The following RIN2 variants were observed in gnomAD, a reference collection of about 807,000 sequenced individuals.
RIN2 encodes RAB5 interacting protein 2.
A neutral mutation model predicts 78.0 loss-of-function variants in RIN2; 36 were observed. The ratio of observed to expected loss-of-function variants is 0.46; its 90% confidence interval spans 0.35 to 0.61. The LOEUF is 0.61. RIN2 is among the 20% of genes least tolerant of loss of function. The pLI, the probability that RIN2 is intolerant of heterozygous loss-of-function variation, is 0.00. For synonymous variants in RIN2, 466 were observed against 466.8 expected, an observed-to-expected ratio of 1.00 and a Z score of 0.02; for missense variants, 1,087 against 1,159.7, an observed-to-expected ratio of 0.94 and a Z score of 0.91.
intron 2 of RIN2, among the ~76,000 whole-genome samples, chr20:19,879,466 T>G (rs548115521): frequency 6.6e-6 from 1 of 152,300 alleles, no homozygotes; most frequent in South Asian, 2.1e-4. Flanking sequence ...ACACTGTGCT[T>G]CCGCTGACTG....
intron 7 of RIN2, among the ~76,000 whole-genome samples, chr20:19,970,005 G>T (rs1199454026): frequency 6.6e-6 from 1 of 152,202 alleles, no homozygotes; most frequent in Non-Finnish European, 1.5e-5. Flanking sequence ...GCTGTGGCAG[G>T]TCCCTGATGC....
chr20:19,891,542 G>A (rs773739905), intron 3 of RIN2, among the ~76,000 whole-genome samples: 13 of 152,204 alleles, frequency 8.5e-5, no homozygotes, highest in Non-Finnish European at 1.2e-4. Flanking sequence ...ATGGAGGCCA[G>A]CCATGGTGCT....
chr20:19,905,723 AC>A (rs1380771524), intron 3 of RIN2, among the ~76,000 whole-genome samples: 3 of 152,184 alleles, frequency 2.0e-5, no homozygotes, highest in Non-Finnish European at 4.4e-5. Context: ...ACAGAGCAAA[AC>A]TCCATCTCTA....
At chr20:19,876,751 A>G (rs558531959) in intron 2 of RIN2, among the ~76,000 whole-genome samples, 4 of 152,194 alleles carry the variant, frequency 2.6e-5, no homozygotes, top group Middle Eastern at 6.8e-3. Flanking sequence ...CTAAAAATAC[A>G]AAAATTATCT....
chr20:19,809,535 C>T (rs1015059307), intron 2 of RIN2: 1 of 152,292 alleles, frequency 6.6e-6, no homozygotes, highest in South Asian at 2.1e-4. Context: ...GTGCATCCTT[C>T]GAATGTCCTG....
chr20:19,929,274 G>T (rs1193169961), intron 3 of RIN2, among the ~76,000 whole-genome samples: 4 of 152,204 alleles, frequency 2.6e-5, no homozygotes, highest in African/African-American at 9.6e-5. Context: ...TAGAGGCTGG[G>T]ATTGTGTAAG....
intron 3 of RIN2, among the ~76,000 whole-genome samples, chr20:19,929,326 GT>G (rs2040351787): frequency 6.6e-6 from 1 of 151,768 alleles, no homozygotes; most frequent in South Asian, 2.1e-4. Context: ...AGTTTTTTGT[GT>G]TTTTGTTTTT....
At chr20:19,791,702 TTC>T (rs1434768076) in intron 1 of RIN2, among the ~76,000 whole-genome samples, 21 of 152,238 alleles carry the variant, frequency 1.4e-4, no homozygotes, top group Admixed American at 5.2e-4. Context: ...GAACTTTAAT[TTC>T]TTTTTCCAAA....
chr20:19,824,972 A>G (rs972149958), intron 2 of RIN2, among the ~76,000 whole-genome samples: 2 of 151,866 alleles, frequency 1.3e-5, no homozygotes, highest in Non-Finnish European at 2.9e-5. Flanking sequence ...GGCCACGAGA[A>G]CCTCTTCACC....
intron 1 of RIN2, among the ~76,000 whole-genome samples, chr20:19,769,339 A>G (rs978342683): frequency 1.3e-5 from 2 of 152,200 alleles, no homozygotes; most frequent in Non-Finnish European, 2.9e-5. Context: ...AGACCAGAGA[A>G]TATGAAGATC....
intron 2 of RIN2, among the ~76,000 whole-genome samples, chr20:19,850,226 G>A (rs923966464): frequency 9.9e-5 from 15 of 152,176 alleles, no homozygotes; most frequent in Admixed American, 5.9e-4. Flanking sequence ...CTGTCTTGCC[G>A]TTTTTAACCT....
rs1330277758 is a variant in RIN2 at position 19,990,268 on chromosome 20, G to A, written c.2025G>A (p.Leu675=). ...CGGAAAAGAAGGTCATGCTGCTGCT[G>A]CGGGTCTGCAAGCTCATTTACACGG... ...YSPEKKVMLL[L]RVCKLIYTVM... is the part of the protein sequence containing the mutation. The change falls in exon 10 of 13, where the codon CTG becomes CTA. Residue 675 remains leucine (L), a synonymous_variant. Transcript: ENST00000255006. 1.2e-6 allele frequency: 2 copies of A among 1,613,684 alleles called. No individual in the cohort carries two copies. Among genetic ancestry groups the A allele is most frequent in the Non-Finnish European group, 1.7e-6 (2 of 1,179,858 alleles).
chr20:19,822,158 G>T (rs552660915), intron 2 of RIN2, among the ~76,000 whole-genome samples: 67 of 152,290 alleles, frequency 4.4e-4, no homozygotes, highest in South Asian at 3.3e-3. Context: ...GTGGCTCACA[G>T]GTCTGAGCTT....
intron 2 of RIN2, among the ~76,000 whole-genome samples, chr20:19,856,813 T>C (rs1172019219): frequency 1.3e-5 from 2 of 152,188 alleles, no homozygotes; most frequent in East Asian, 3.9e-4. Context: ...ACTAGCACCA[T>C]GAGCGAGGTA....
At chr20:19,988,350 C>G (rs899329388) in intron 9 of RIN2, among the ~76,000 whole-genome samples, 5 of 152,170 alleles carry the variant, frequency 3.3e-5, no homozygotes, top group Non-Finnish European at 7.3e-5. Context: ...GAACCCCTGG[C>G]CTCAAGTGAT....
Position 19,864,366 on chromosome 20 carries a change from G to A in RIN2, c.-36-25200G>A, listed in dbSNP as rs116664499. Among the ~76,000 whole-genome samples, 787 of 152,224 alleles carry A rather than the reference G, an allele frequency of 5.2e-3. 6 individuals carry two copies. Among genetic ancestry groups the A allele is most frequent in the African/African-American group, 0.018 (750 of 41,538 alleles). On this transcript the variant is annotated intron_variant, in intron 2 of 12. Transcript: ENST00000255006. ...ACTGTTTGTGGTTAGGATTTTCCTG[G>A]TTCTTATTAACACCAGACCTGGTTA...
intron 2 of RIN2, among the ~76,000 whole-genome samples, chr20:19,862,974 C>T (rs1319786332): frequency 6.6e-6 from 1 of 152,248 alleles, no homozygotes; most frequent in Non-Finnish European, 1.5e-5. Context: ...GTTCCTCCCT[C>T]TTGGCATCAT....
chr20:19,981,467 T>C (rs915243175), intron 9 of RIN2, among the ~76,000 whole-genome samples: 3 of 152,096 alleles, frequency 2.0e-5, no homozygotes, highest in Non-Finnish European at 4.4e-5. Flanking sequence ...AGGGATGGAG[T>C]AGAATTAAGC....
Position 19,764,916 on chromosome 20 carries a change from GCGTTTT to G in RIN2, c.-163+6590_-163+6595del, listed in dbSNP as rs1268783105. Among the ~76,000 whole-genome samples the G allele has an allele frequency of 4.2e-4, 15 of 35,346 alleles. 1 individual carries two copies. The highest frequency in any genetic ancestry group is 5.5e-4 in the African/African-American group (8 of 14,492). The allele number at this position is 35,346 out of a possible 152,430, so 23.2% of individuals were successfully genotyped here. On this transcript the variant is annotated intron_variant, in intron 1 of 12. Transcript: ENST00000255006. Reference sequence around the variant, plus strand: ...AAGGGCAAGTCCCACTTCACTTTCTGCGTTTTTTTTTTTTTTTTTTTTTTTTTGACA... The same window carrying G: ...AAGGGCAAGTCCCACTTCACTTTCTGTTTTTTTTTTTTTTTTTTTTTGACA...
Sources: allele counts gnomAD v4.1 joint callset (sites outside exome capture counted in the v4.1 genomes callset), GRCh38; gene constraint gnomAD v4.1.1; transcripts MANE v1.5; gene names NCBI Gene and HGNC (gene_info 2026-07-23, HGNC 2026-07-21).